ARHGEF3: variants seen among roughly 807,000 people sequenced by gnomAD.
ARHGEF3 encodes the protein Rho guanine nucleotide exchange factor 3.
ARHGEF3 carries 28 observed loss-of-function variants against 63.2 expected under a neutral mutation model. That is an observed-to-expected ratio of 0.44 (90% CI 0.33 to 0.61). The LOEUF is 0.61. Among genes scored for constraint, ARHGEF3 ranks in the 20% least tolerant of loss-of-function variants. The pLI is 0.03. For missense variants in ARHGEF3, 533 were observed against 659.3 expected, an observed-to-expected ratio of 0.81 and a Z score of 2.10; for synonymous variants, 266 against 254.2, an observed-to-expected ratio of 1.05 and a Z score of -0.44.
intron 1 of ARHGEF3, chr3:57,074,278 T>C: frequency 1.3e-6 from 2 of 1,598,712 alleles, no homozygotes; most frequent in Non-Finnish European, 1.7e-6. Flanking sequence ...TCAATAATAA[T>C]CCTGCAACAT....
chr3:56,956,229 T>G (rs1700038221), intron 3 of ARHGEF3, among the ~76,000 whole-genome samples: 3 of 151,812 alleles, frequency 2.0e-5, no homozygotes, highest in African/African-American at 7.3e-5. Flanking sequence ...TTTTTTTTTT[T>G]TTGTTTGTTT....
At chr3:57,054,853 G>T (rs1704846203) in intron 1 of ARHGEF3, among the ~76,000 whole-genome samples, 1 of 151,574 alleles carries the variant, frequency 6.6e-6, no homozygotes, top group African/African-American at 2.4e-5. Context: ...GTTTCACCAT[G>T]TTGGCCAGTA....
At chr3:57,029,646 A>T (rs1036588073) in intron 2 of ARHGEF3, among the ~76,000 whole-genome samples, 4 of 152,170 alleles carry the variant, frequency 2.6e-5, no homozygotes, top group Non-Finnish European at 4.4e-5. Flanking sequence ...AGGTTAAGCC[A>T]GCACTGGCCA....
chr3:56,828,143 A>G (rs1484105887), intron 4 of ARHGEF3, among the ~76,000 whole-genome samples: 3 of 152,132 alleles, frequency 2.0e-5, no homozygotes, highest in African/African-American at 7.2e-5. Flanking sequence ...TTTACAGATG[A>G]GGAAACTGAG....
chr3:56,770,040 G>A (rs1329990466), intron 2 of ARHGEF3, among the ~76,000 whole-genome samples: 2 of 152,186 alleles, frequency 1.3e-5, no homozygotes, highest in African/African-American at 2.4e-5. Context: ...CAAAATCGGA[G>A]AGGATGTGAA....
chr3:57,034,802 A>T (rs1703882979), intron 2 of ARHGEF3, among the ~76,000 whole-genome samples: 1 of 151,780 alleles, frequency 6.6e-6, no homozygotes, highest in Non-Finnish European at 1.5e-5. Context: ...GACTACAGGC[A>T]CACATCACCA....
intron 4 of ARHGEF3, among the ~76,000 whole-genome samples, chr3:56,812,064 C>G (rs2038087645): frequency 6.6e-6 from 1 of 152,188 alleles, no homozygotes; most frequent in Non-Finnish European, 1.5e-5. Flanking sequence ...TCCTATTACG[C>G]TGGCACATAG....
In ARHGEF3 at chr3:57,040,474, C is replaced by CAAAAGAAAAGAAAAGAAAAGAAAAG. The variant is rs145206230; in HGVS notation, c.-27-5323_-27-5299dup. ...CCTGGGCGACAGAATAAGACTCCGT[C>CAAAAGAAAAGAAAAGAAAAGAAAAG]AAAAGAAAAGAAAAGAAAAGAAAAG... On this transcript the variant is annotated intron_variant, in intron 1 of 12. Coordinates refer to the ARHGEF3 transcript ENST00000338458. 4.0e-3 allele frequency among the ~76,000 whole-genome samples: 585 copies of CAAAAGAAAAGAAAAGAAAAGAAAAG among 144,630 alleles called. 10 individuals carry two copies. Among genetic ancestry groups the CAAAAGAAAAGAAAAGAAAAGAAAAG allele is most frequent in the African/African-American group, 6.2e-3 (236 of 37,768 alleles). The allele number at this position is 144,630 out of a possible 152,430, so 94.9% of individuals were successfully genotyped here. A position where few individuals can be genotyped will look rare whatever the true frequency, so the allele number is the denominator to read the frequency against.
chr3:56,919,446 C>T (rs2042069797), intron 3 of ARHGEF3, among the ~76,000 whole-genome samples: 1 of 152,140 alleles, frequency 6.6e-6, no homozygotes. Context: ...TTTCATTTAA[C>T]ATCCAGGGCA....
intron 4 of ARHGEF3, among the ~76,000 whole-genome samples, chr3:56,829,967 G>C (rs564573887): frequency 6.6e-6 from 1 of 152,314 alleles, no homozygotes; most frequent in East Asian, 1.9e-4. Flanking sequence ...TTTACTATCC[G>C]ATGATCGTGT....
intron 4 of ARHGEF3, among the ~76,000 whole-genome samples, chr3:56,873,429 CTA>C (rs1175837245): frequency 2.6e-5 from 4 of 152,092 alleles, no homozygotes; most frequent in Admixed American, 1.3e-4. Flanking sequence ...TTGTTCCCCT[CTA>C]TGTGTCCATG....
chr3:57,018,927 A>T (rs983023781), intron 2 of ARHGEF3, among the ~76,000 whole-genome samples: 9 of 152,226 alleles, frequency 5.9e-5, no homozygotes, highest in Non-Finnish European at 1.2e-4. Context: ...GTCAGATTCC[A>T]GCATCTGTAT....
chr3:56,885,892 G>C (rs1578760299), intron 3 of ARHGEF3, among the ~76,000 whole-genome samples: 2 of 152,194 alleles, frequency 1.3e-5, no homozygotes, highest in Admixed American at 1.3e-4. Flanking sequence ...AAAGTAGCCT[G>C]AAGTTTAAAC....
intron 4 of ARHGEF3, among the ~76,000 whole-genome samples, chr3:56,808,303 C>CAGTCACAGTGGCTCACGCCTGT (rs2037939547): frequency 1.3e-5 from 2 of 150,598 alleles, no homozygotes; most frequent in East Asian, 4.0e-4. Context: ...ATAAATTAGC[C>CAGTCACAGTGGCTCACGCCTGT]AGTCACAGTG....
chr3:56,912,508 A>G (rs936950901), intron 3 of ARHGEF3, among the ~76,000 whole-genome samples: 4 of 152,226 alleles, frequency 2.6e-5, no homozygotes, highest in African/African-American at 9.6e-5. Context: ...TTAACCATGT[A>G]GGTGACCTAG....
At chr3:56,891,562 A>G (rs988330632) in intron 3 of ARHGEF3, among the ~76,000 whole-genome samples, 11 of 151,988 alleles carry the variant, frequency 7.2e-5, no homozygotes, top group African/African-American at 2.7e-4. Flanking sequence ...TGTTAGGTAG[A>G]CTCTAAAGTC....
At chr3:57,023,778 C>G (rs951896534) in intron 2 of ARHGEF3, among the ~76,000 whole-genome samples, 1 of 152,230 alleles carries the variant, frequency 6.6e-6, no homozygotes, top group Non-Finnish European at 1.5e-5. Context: ...CTGTCTGCTA[C>G]TTCCCACGGG....
chr3:56,927,005 A>C (rs2042293680), intron 3 of ARHGEF3, among the ~76,000 whole-genome samples: 1 of 152,244 alleles, frequency 6.6e-6, no homozygotes, highest in African/African-American at 2.4e-5. Context: ...TGGTGAGGGC[A>C]TAGCAACCAG....
At chr3:56,985,823 C>A (rs576125761) in intron 2 of ARHGEF3, among the ~76,000 whole-genome samples, 2 of 151,926 alleles carry the variant, frequency 1.3e-5, no homozygotes, top group Non-Finnish European at 2.9e-5. Context: ...TGTAAATGGA[C>A]AACATACCCA....
Sources: gnomAD v4.1 joint callset for allele counts (sites outside exome capture counted in the v4.1 genomes callset) on GRCh38, gnomAD v4.1.1 for gene constraint, MANE v1.5 for transcripts, NCBI Gene and HGNC (gene_info 2026-07-23, HGNC 2026-07-21) for gene names.